ZC3H12B: variants seen among roughly 807,000 people sequenced by gnomAD.
The protein encoded by ZC3H12B is zinc finger CCCH-type containing 12B.
A neutral mutation model predicts 43.9 loss-of-function variants in ZC3H12B; 7 were observed. That is an observed-to-expected ratio of 0.16 (90% CI 0.09 to 0.30). ZC3H12B has a LOEUF of 0.30. ZC3H12B is among the 10% of genes least tolerant of loss of function. The pLI is 1.00. For synonymous variants in ZC3H12B, 222 were observed against 241.7 expected (o/e 0.92, Z 0.76); for missense variants, 475 against 670.2 (o/e 0.71, Z 3.22).
chrX:65,086,734 G>A, the ZC3H12B span, among the ~76,000 whole-genome samples: 1 of 112,077 alleles, frequency 8.9e-6, no homozygotes, highest in East Asian at 2.8e-4. Flanking sequence ...CTTGATCTTG[G>A]ACTTTCCTGT....
At chrX:65,444,507 C>T (rs1278026410) in intron 3 of ZC3H12B, among the ~76,000 whole-genome samples, 1 of 112,508 alleles carries the variant, frequency 8.9e-6, no homozygotes, top group Non-Finnish European at 1.9e-5. Context: ...TCACTTTCCA[C>T]CATGATTGTG....
chrX:65,068,704 T>C, the ZC3H12B span, among the ~76,000 whole-genome samples: 1 of 111,896 alleles, frequency 8.9e-6, no homozygotes, highest in Non-Finnish European at 1.9e-5. Flanking sequence ...GTGTACTTAA[T>C]ATTACCAGCA....
intron 3 of ZC3H12B, among the ~76,000 whole-genome samples, chrX:65,462,377 C>A (rs1471012462): frequency 9.1e-6 from 1 of 110,451 alleles, no homozygotes; most frequent in Non-Finnish European, 1.9e-5. Flanking sequence ...CCGGGCGTAG[C>A]GACAGGCGCC....
chrX:65,067,884 C>T, the ZC3H12B span, among the ~76,000 whole-genome samples: 1 of 110,786 alleles, frequency 9.0e-6, no homozygotes, highest in Non-Finnish European at 1.9e-5. Context: ...CTATGAACTT[C>T]CCTCTTGGTA....
the ZC3H12B span, among the ~76,000 whole-genome samples, chrX:65,081,242 G>A: frequency 3.6e-5 from 4 of 110,372 alleles, no homozygotes; most frequent in South Asian, 3.8e-4. Context: ...CAGAACAACC[G>A]GAACGCAAAT....
At chrX:65,505,846 A>AT (rs2068420272) in exon 5 of ZC3H12B, 1 of 113,112 alleles carries the variant, frequency 8.8e-6, no homozygotes, top group African/African-American at 3.2e-5. Context: ...TTAAGGCAGC[A>AT]TATGTATTTC....
intron 3 of ZC3H12B, among the ~76,000 whole-genome samples, chrX:65,432,146 C>A (rs762419882): frequency 9.0e-6 from 1 of 111,664 alleles, no homozygotes; most frequent in Non-Finnish European, 1.9e-5. Flanking sequence ...GCCTTTAGAA[C>A]CTGTTTGCAG....
At chrX:65,229,943 T>G in the ZC3H12B span, among the ~76,000 whole-genome samples, 5 of 111,738 alleles carry the variant, frequency 4.5e-5, no homozygotes, top group Non-Finnish European at 9.4e-5. Context: ...GGTGGGACAG[T>G]AAACTAGTTC....
At chrX:65,343,836 AAGAG>A in the ZC3H12B span, among the ~76,000 whole-genome samples, 1 of 111,604 alleles carries the variant, frequency 9.0e-6, no homozygotes, top group Admixed American at 9.5e-5. Flanking sequence ...TCCATAAGGC[AAGAG>A]AAAGAAATTA....
chrX:65,335,385 A>G, the ZC3H12B span, among the ~76,000 whole-genome samples: 8 of 112,022 alleles, frequency 7.1e-5, no homozygotes, highest in Non-Finnish European at 1.5e-4. Context: ...GCCAGGCCAA[A>G]CAGCCAATAT....
the ZC3H12B span, among the ~76,000 whole-genome samples, chrX:65,281,451 C>T: frequency 9.0e-6 from 1 of 110,895 alleles, no homozygotes; most frequent in African/African-American, 3.3e-5. Flanking sequence ...GTTTTGAACT[C>T]CTGGCCTCAA....
chrX:65,381,223 C>T (rs61216367), intron 2 of ZC3H12B, among the ~76,000 whole-genome samples: 26,609 of 110,574 alleles, frequency 0.24, 7,675 homozygotes, highest in African/African-American at 0.83. Context: ...CCTCAGCACA[C>T]GTAAAAGAAC....
rs951829991 is a variant in ZC3H12B, at chrX:65,459,066, G to A, written n.408-29580G>A. On this transcript the variant is annotated intron_variant and non_coding_transcript_variant, in intron 3 of 5. Transcript: ENST00000617377. ...CACAGAAATACAAACTACCATCAGAGAATACTATAAACACCTCTAGGAAAA... is the reference window on the plus strand; with the variant it reads ...CACAGAAATACAAACTACCATCAGAAAATACTATAAACACCTCTAGGAAAA... 6.3e-5 allele frequency among the ~76,000 whole-genome samples: 7 copies of A among 111,748 alleles called. No homozygotes were observed. In the South Asian group the frequency reaches 1.1e-3, roughly 18 times the overall value.
At chrX:65,379,603 C>T (rs1244628337) in intron 2 of ZC3H12B, among the ~76,000 whole-genome samples, 2 of 112,592 alleles carry the variant, frequency 1.8e-5, no homozygotes, top group Non-Finnish European at 3.7e-5. Context: ...CAAAGCTGGA[C>T]AGAGAATGAC....
chrX:65,270,367 T>C, the ZC3H12B span, among the ~76,000 whole-genome samples: 2 of 111,630 alleles, frequency 1.8e-5, no homozygotes, highest in Admixed American at 9.5e-5. Flanking sequence ...ACTTACAACA[T>C]ACACAAAAAC....
At chrX:65,113,598 T>C in the ZC3H12B span, among the ~76,000 whole-genome samples, 3 of 110,016 alleles carry the variant, frequency 2.7e-5, no homozygotes, top group African/African-American at 6.6e-5. Context: ...AAGCATTGCA[T>C]GCTAGAGAGA....
the ZC3H12B span, among the ~76,000 whole-genome samples, chrX:65,319,702 G>A: frequency 1.8e-5 from 2 of 111,053 alleles, no homozygotes; most frequent in Admixed American, 9.6e-5. Context: ...GAATCTAGCA[G>A]CACATCAAAA....
At chrX:65,377,686 A>G (rs893442544) in intron 2 of ZC3H12B, among the ~76,000 whole-genome samples, 1 of 111,941 alleles carries the variant, frequency 8.9e-6, no homozygotes, top group Non-Finnish European at 1.9e-5. Context: ...CATAATGAAG[A>G]AATAAAGATT....
the ZC3H12B span, among the ~76,000 whole-genome samples, chrX:65,343,672 T>A: frequency 8.9e-6 from 1 of 112,008 alleles, no homozygotes; most frequent in African/African-American, 3.2e-5. Context: ...TGAAAGAACA[T>A]ACATGAAAAT....
Sources: allele counts gnomAD v4.1 joint callset (sites outside exome capture counted in the v4.1 genomes callset), GRCh38; gene constraint gnomAD v4.1.1; transcripts MANE v1.5; gene names NCBI Gene and HGNC (gene_info 2026-07-23, HGNC 2026-07-21).